The following PTPRN2 variants were observed in gnomAD, a reference collection of about 807,000 sequenced individuals.
The protein encoded by PTPRN2 is protein tyrosine phosphatase receptor type N2, also known as receptor-type tyrosine-protein phosphatase N2.
PTPRN2 carries 74 observed loss-of-function variants against 118.8 expected under a neutral mutation model. The observed-to-expected ratio is 0.62, with a 90% CI of 0.52 to 0.76. PTPRN2 has a LOEUF of 0.76. PTPRN2 is among the 30% of genes least tolerant of loss of function. The pLI is 0.00. For missense variants in PTPRN2, 1,481 were observed against 1,394.4 expected, an observed-to-expected ratio of 1.06 and a Z score of -0.99; for synonymous variants, 641 against 608.0, an observed-to-expected ratio of 1.05 and a Z score of -0.80.
intron 2 of PTPRN2, among the ~76,000 whole-genome samples, chr7:158,459,288 C>A (rs1157658313): frequency 6.6e-6 from 1 of 151,936 alleles, no homozygotes; most frequent in Non-Finnish European, 1.5e-5. Context: ...AATCCAGAGC[C>A]CCCACTGCCT....
chr7:158,138,173 T>TC, intron 7 of PTPRN2, 121 bp downstream of exon 7: 1 of 824,986 alleles, frequency 1.2e-6, no homozygotes, highest in East Asian at 2.7e-5. Flanking sequence ...TTAATACAGA[T>TC]CCCCATCTCC....
intron 12 of PTPRN2, among the ~76,000 whole-genome samples, chr7:157,776,539 T>TTC (rs1213680792): frequency 2.7e-4 from 1 of 3,764 alleles, no homozygotes; most frequent in Non-Finnish European, 4.8e-4. Flanking sequence ...TCTCTCTCCT[T>TTC]CTCCCTCTCC....
Position 157,831,479 on chromosome 7 carries a change from GGGAGAC to G in PTPRN2, c.1788+67188_1788+67193del. 6.6e-6 allele frequency among the ~76,000 whole-genome samples: 1 copy of G among 152,302 alleles called. No individual in the cohort carries two copies. The highest frequency in any genetic ancestry group is 2.4e-5 in the African/African-American group (1 of 41,558). ...TTGGAGTTGCCCTGGGGCTGGGGCT[GGGAGAC>G]GGAGCTGCCCTCCCCATCCCTGTCC... On this transcript the variant is annotated intron_variant, in intron 12 of 22. Coordinates refer to ENST00000389418, the MANE Select transcript of PTPRN2 (RefSeq NM_002847.5). This position sits in a 1 kb window ranked among gnomAD's most constrained non-coding sequence, Gnocchi z 4.8.
At chr7:157,939,346 G>A (rs1051055790) in intron 11 of PTPRN2, among the ~76,000 whole-genome samples, 1 of 152,268 alleles carries the variant, frequency 6.6e-6, no homozygotes, top group Non-Finnish European at 1.5e-5. Flanking sequence ...GCTGGTGGCT[G>A]TCCTGCAGGA....
Position 158,504,227 on chromosome 7 carries a change from G to A in PTPRN2, c.113-14442C>T, listed in dbSNP as rs370804709. On this transcript the variant is annotated intron_variant, in intron 1 of 22. Transcript: ENST00000389418. ...CCAACTTATACATCCTGGGGTCCAT[G>A]TCCAGGATGTGCAGGTTTGTCACAT... Among the ~76,000 whole-genome samples the A allele has an allele frequency of 6.6e-4, 100 of 152,214 alleles. 1 individual carries two copies. In the South Asian group the frequency reaches 0.02, roughly 31 times the overall value.
chr7:157,895,211 C>T (rs1797040681), intron 12 of PTPRN2, among the ~76,000 whole-genome samples: 1 of 151,708 alleles, frequency 6.6e-6, no homozygotes, highest in Admixed American at 6.6e-5. Flanking sequence ...ATAAAATAAG[C>T]CAGAGGATCT....
chr7:158,576,172 C>T (rs917023188), intron 1 of PTPRN2, among the ~76,000 whole-genome samples: 1 of 152,158 alleles, frequency 6.6e-6, no homozygotes, highest in African/African-American at 2.4e-5. Flanking sequence ...GGTGTGGTCA[C>T]TCAGACAGAG....
chr7:157,761,246 C>G (rs796249960), intron 12 of PTPRN2, among the ~76,000 whole-genome samples: 1,753 of 152,152 alleles, frequency 0.012, 63 homozygotes, highest in East Asian at 0.09. Context: ...TGGAAAAAAA[C>G]TACTTTAAAG....
At chr7:158,396,428 G>A (rs1812505828) in intron 2 of PTPRN2, among the ~76,000 whole-genome samples, 1 of 152,218 alleles carries the variant, frequency 6.6e-6, no homozygotes, top group African/African-American at 2.4e-5. Flanking sequence ...GTGCACGTGT[G>A]TGTGCATGAA....
chr7:157,626,581 C>A (rs905095143), intron 14 of PTPRN2, among the ~76,000 whole-genome samples: 20 of 152,210 alleles, frequency 1.3e-4, no homozygotes, highest in African/African-American at 4.8e-4. Context: ...TTCAAACATA[C>A]GTCTCTGTGG....
chr7:157,707,476 AC>A (rs1798392836), intron 12 of PTPRN2, among the ~76,000 whole-genome samples: 1 of 152,186 alleles, frequency 6.6e-6, no homozygotes, highest in Non-Finnish European at 1.5e-5. Flanking sequence ...CCCGCTAAGT[AC>A]CCTTCAGGGA....
intron 2 of PTPRN2, among the ~76,000 whole-genome samples, chr7:158,416,390 G>A (rs953665322): frequency 6.6e-6 from 1 of 152,204 alleles, no homozygotes; most frequent in African/African-American, 2.4e-5. Context: ...CATGTTAACC[G>A]AGTAACTACA....
chr7:157,919,152 A>G (rs1585016161), intron 11 of PTPRN2, among the ~76,000 whole-genome samples: 1 of 152,242 alleles, frequency 6.6e-6, no homozygotes, highest in Admixed American at 6.5e-5. Context: ...TCTATGGTCT[A>G]GAAACCAGAA....
At chr7:158,364,365 G>A (rs1217771483) in intron 2 of PTPRN2, among the ~76,000 whole-genome samples, 1 of 145,940 alleles carries the variant, frequency 6.9e-6, no homozygotes, top group African/African-American at 2.6e-5. Flanking sequence ...CCCCAGCAGG[G>A]TATGCAGAGC....
chr7:157,909,122 G>C (rs1192116736), intron 11 of PTPRN2, among the ~76,000 whole-genome samples: 1 of 151,800 alleles, frequency 6.6e-6, no homozygotes, highest in Non-Finnish European at 1.5e-5. Context: ...CCAGCCCATC[G>C]AGAGAACATC....
intron 2 of PTPRN2, among the ~76,000 whole-genome samples, chr7:158,370,655 A>G (rs12111989): frequency 5.3e-5 from 8 of 151,180 alleles, no homozygotes; most frequent in African/African-American, 2.0e-4. Context: ...AGGAGGCTGA[A>G]GCAGGAGAAT....
intron 12 of PTPRN2, among the ~76,000 whole-genome samples, chr7:157,840,225 C>CTG (rs1298673037): frequency 2.1e-5 from 3 of 141,514 alleles, no homozygotes; most frequent in Admixed American, 1.4e-4. Context: ...CCACGTGTGA[C>CTG]TGTGTGACTG....
At chr7:158,552,446 G>T (rs570199487) in intron 1 of PTPRN2, among the ~76,000 whole-genome samples, 4 of 152,340 alleles carry the variant, frequency 2.6e-5, no homozygotes, top group Admixed American at 2.0e-4. Flanking sequence ...TTTCTCTAGA[G>T]ACTAGGTCTT....
At chr7:157,599,660 G>C (rs1192941633) in intron 16 of PTPRN2, among the ~76,000 whole-genome samples, 1 of 152,216 alleles carries the variant, frequency 6.6e-6, no homozygotes, top group East Asian at 1.9e-4. Context: ...CACCCACTGC[G>C]GGGCAGGTGA....
Sources: gnomAD v4.1 joint callset for allele counts (sites outside exome capture counted in the v4.1 genomes callset) on GRCh38, gnomAD v4.1.1 for gene constraint, Gnocchi (gnomAD v3.1) non-coding constraint, MANE v1.5 for transcripts, NCBI Gene and HGNC (gene_info 2026-07-23, HGNC 2026-07-21) for gene names.